Variants in SGCD observed in about 807,000 individuals in gnomAD.
The protein encoded by SGCD is delta-sarcoglycan.
In SGCD, 18 loss-of-function variants were observed where a neutral mutation model predicts 36.6. The ratio of observed to expected loss-of-function variants is 0.49; its 90% CI spans 0.34 to 0.73. The LOEUF (loss-of-function observed/expected upper bound fraction) is 0.73. Ranked by LOEUF, SGCD falls within the 30% of genes least tolerant of loss-of-function variation. The pLI is 0.01. For synonymous variants in SGCD, 133 were observed against 130.6 expected, an observed-to-expected ratio of 1.02 and a Z score of -0.12; for missense variants, 387 against 346.7, an observed-to-expected ratio of 1.12 and a Z score of -0.92.
At chr5:156,119,801 G>T (rs1382523285) in intron 2 of SGCD, among the ~76,000 whole-genome samples, 1 of 152,046 alleles carries the variant, frequency 6.6e-6, no homozygotes, top group Non-Finnish European at 1.5e-5. Flanking sequence ...TGTGCTTTAT[G>T]CTCACAGGAA....
chr5:156,720,386 C>T (rs934531293), intron 7 of SGCD, among the ~76,000 whole-genome samples: 3 of 152,170 alleles, frequency 2.0e-5, no homozygotes, highest in Non-Finnish European at 2.9e-5. Flanking sequence ...TTTAAGCATA[C>T]ACCTGAAGGG....
chr5:156,456,088 T>C (rs1191022127), intron 3 of SGCD, among the ~76,000 whole-genome samples: 1 of 152,180 alleles, frequency 6.6e-6, no homozygotes, highest in Non-Finnish European at 1.5e-5. Context: ...TGTATTACTC[T>C]GCTATGACCA....
At chr5:156,168,462 C>G (rs1483329175) in intron 3 of SGCD, among the ~76,000 whole-genome samples, 1 of 152,128 alleles carries the variant, frequency 6.6e-6, no homozygotes, top group Admixed American at 6.5e-5. Flanking sequence ...GTAGTCCCAG[C>G]TACTCAGGAG....
intron 4 of SGCD, among the ~76,000 whole-genome samples, chr5:156,519,751 T>G (rs965945190): frequency 1.3e-5 from 2 of 152,022 alleles, no homozygotes; most frequent in Non-Finnish European, 2.9e-5. Flanking sequence ...TAAGCAGAAC[T>G]AAAGACAAAA....
At chr5:155,913,190 G>T (rs1223678617) in intron 1 of SGCD, among the ~76,000 whole-genome samples, 5 of 152,180 alleles carry the variant, frequency 3.3e-5, no homozygotes, top group Admixed American at 6.6e-5. Flanking sequence ...AACAAGGATG[G>T]TGATGGGAGA....
chr5:156,601,224 A>G (rs1378295400), intron 6 of SGCD, among the ~76,000 whole-genome samples: 1 of 152,168 alleles, frequency 6.6e-6, no homozygotes, highest in East Asian at 1.9e-4. Context: ...GCCCAATATC[A>G]TGAAGTATTT....
At chr5:156,078,459 G>C (rs1264516743) in intron 1 of SGCD, among the ~76,000 whole-genome samples, 1 of 148,940 alleles carries the variant, frequency 6.7e-6, no homozygotes. Flanking sequence ...GTTGCAGTGA[G>C]TTGAGATTGC....
intron 3 of SGCD, among the ~76,000 whole-genome samples, chr5:156,470,915 G>A (rs1381969590): frequency 6.6e-6 from 1 of 152,120 alleles, no homozygotes; most frequent in Non-Finnish European, 1.5e-5. Flanking sequence ...GTATACAGAA[G>A]TATAAAAGCT....
intron 1 of SGCD, among the ~76,000 whole-genome samples, chr5:156,018,651 A>G (rs1360682597): frequency 1.3e-5 from 2 of 152,152 alleles, no homozygotes; most frequent in African/African-American, 4.8e-5. Flanking sequence ...AATATCTCCC[A>G]TTTACCTAAT....
Position 156,056,991 on chromosome 5 carries a change from T to A in SGCD, c.-281-60887T>A, listed in dbSNP as rs960536014. 3.4e-5 allele frequency among the ~76,000 whole-genome samples: 5 copies of A among 146,412 alleles called. 1 individual carries two copies. The highest frequency in any genetic ancestry group is 7.7e-5 in the Non-Finnish European group (5 of 64,996). On this transcript the variant is annotated intron_variant, in intron 1 of 9. Transcript: ENST00000517913. Reference sequence around the variant, plus strand: ...GCATCCCTAAGTACGTTTGAAATACTCCATGCAAGTGGTTTATCTATACAG... The same window carrying A: ...GCATCCCTAAGTACGTTTGAAATACACCATGCAAGTGGTTTATCTATACAG...
At chr5:155,994,286 G>A (rs749324072) in intron 1 of SGCD, among the ~76,000 whole-genome samples, 4 of 152,194 alleles carry the variant, frequency 2.6e-5, no homozygotes, top group Non-Finnish European at 5.9e-5. Context: ...ATGGGCCTCT[G>A]AGCAGCATAT....
chr5:155,757,825 C>T, the SGCD span, among the ~76,000 whole-genome samples: 3 of 152,126 alleles, frequency 2.0e-5, no homozygotes, highest in African/African-American at 4.8e-5. Context: ...TTGTGGGAAG[C>T]GCCCCATGGA....
chr5:156,251,404 A>T (rs1228026205), intron 3 of SGCD, among the ~76,000 whole-genome samples: 2 of 152,168 alleles, frequency 1.3e-5, no homozygotes, highest in Non-Finnish European at 2.9e-5. Flanking sequence ...TTTGGATTGG[A>T]TCTTTCCAGA....
intron 3 of SGCD, among the ~76,000 whole-genome samples, chr5:156,304,867 G>A (rs1767161772): frequency 6.6e-6 from 1 of 152,188 alleles, no homozygotes; most frequent in African/African-American, 2.4e-5. Flanking sequence ...CTCTTGTTAT[G>A]TTTTAGCAAA....
chr5:156,513,282 C>A (rs999757020), intron 4 of SGCD, among the ~76,000 whole-genome samples: 11 of 152,110 alleles, frequency 7.2e-5, no homozygotes, highest in Non-Finnish European at 2.9e-5. Flanking sequence ...TGGCAGGCAA[C>A]CAATAGGATC....
chr5:156,377,210 A>T (rs1020275033), intron 3 of SGCD, among the ~76,000 whole-genome samples: 2 of 152,190 alleles, frequency 1.3e-5, no homozygotes, highest in Non-Finnish European at 2.9e-5. Flanking sequence ...AAGCATCTTA[A>T]TATTGCCAGC....
chr5:155,766,254 C>G, the SGCD span, among the ~76,000 whole-genome samples: 3 of 152,164 alleles, frequency 2.0e-5, no homozygotes, highest in Non-Finnish European at 2.9e-5. Flanking sequence ...CTCTTACTCT[C>G]CATGCTTTCC....
intron 3 of SGCD, among the ~76,000 whole-genome samples, chr5:156,477,189 T>C (rs570789264): frequency 4.6e-5 from 7 of 152,306 alleles, no homozygotes; most frequent in East Asian, 1.9e-4. Context: ...TCGAGCCCCA[T>C]TGAGTAGAAT....
At chr5:155,823,008 A>C in the SGCD span, among the ~76,000 whole-genome samples, 4 of 151,452 alleles carry the variant, frequency 2.6e-5, no homozygotes, top group Admixed American at 2.0e-4. Flanking sequence ...CTCTGTCTGT[A>C]TCTCTCTCTC....
Sources: allele counts gnomAD v4.1 joint callset (sites outside exome capture counted in the v4.1 genomes callset), GRCh38; gene constraint gnomAD v4.1.1; transcripts MANE v1.5; gene names NCBI Gene and HGNC (gene_info 2026-07-23, HGNC 2026-07-21).